PRKAR1B: variants seen among roughly 807,000 people sequenced by gnomAD.
PRKAR1B encodes the protein cAMP-dependent protein kinase type I-beta regulatory subunit.
PRKAR1B carries 22 observed loss-of-function variants against 46.5 expected under a neutral mutation model. That is an observed-to-expected ratio of 0.47 (90% CI 0.34 to 0.68). PRKAR1B has a LOEUF of 0.68. Among genes scored for constraint, PRKAR1B ranks in the 30% least tolerant of loss-of-function variants. PRKAR1B has a pLI of 0.01. For synonymous variants in PRKAR1B, 259 were observed against 217.7 expected (o/e 1.19, Z -1.67); for missense variants, 445 against 535.6 (o/e 0.83, Z 1.67).
At chr7:600,586 C>T (rs186746741) in intron 6 of PRKAR1B, among the ~76,000 whole-genome samples, 68 of 152,360 alleles carry the variant, frequency 4.5e-4, no homozygotes, top group African/African-American at 1.5e-3. Flanking sequence ...CGCCCTGCTC[C>T]GGGGTACACC....
chr7:616,509 C>T (rs537190917), intron 4 of PRKAR1B, among the ~76,000 whole-genome samples: 2 of 152,356 alleles, frequency 1.3e-5, no homozygotes, highest in South Asian at 2.1e-4. Flanking sequence ...TGCCAGCCGG[C>T]GGGGCTCATC....
chr7:662,881 C>A (rs183680070), intron 4 of PRKAR1B, among the ~76,000 whole-genome samples: 42 of 152,284 alleles, frequency 2.8e-4, no homozygotes, highest in Non-Finnish European at 2.9e-4. Context: ...ACCCTCGGAG[C>A]GGCCACAGCA....
chr7:589,870 C>T (rs542837641), intron 7 of PRKAR1B, among the ~76,000 whole-genome samples: 2 of 152,332 alleles, frequency 1.3e-5, no homozygotes, highest in South Asian at 2.1e-4. Flanking sequence ...CCAGGCTGCC[C>T]GGGACAGAGA....
At chr7:592,032 C>T (rs1330448999) in intron 7 of PRKAR1B, among the ~76,000 whole-genome samples, 1 of 152,222 alleles carries the variant, frequency 6.6e-6, no homozygotes, top group Non-Finnish European at 1.5e-5. Flanking sequence ...GCAGGCGGAG[C>T]AGGGGTCGCC....
chr7:582,614 G>A (rs1053264845), intron 8 of PRKAR1B, among the ~76,000 whole-genome samples: 4 of 152,236 alleles, frequency 2.6e-5, no homozygotes, highest in Non-Finnish European at 4.4e-5. Flanking sequence ...AGCCCGGGAC[G>A]CAGGAAGCAA....
chr7:702,768 A>G (rs1220836327), intron 2 of PRKAR1B, among the ~76,000 whole-genome samples: 1 of 152,210 alleles, frequency 6.6e-6, no homozygotes. Context: ...GCTCGCAGTG[A>G]GCGGAGATTG....
chr7:571,846 G>A (rs1252897988), intron 9 of PRKAR1B, among the ~76,000 whole-genome samples: 1 of 152,218 alleles, frequency 6.6e-6, no homozygotes, highest in Non-Finnish European at 1.5e-5. Context: ...CCGCGGTGAG[G>A]TGACGGAACA....
chr7:676,544 C>T (rs1479942383), intron 4 of PRKAR1B, among the ~76,000 whole-genome samples: 1 of 152,204 alleles, frequency 6.6e-6, no homozygotes, highest in African/African-American at 2.4e-5. Context: ...CTAGGTATAG[C>T]GCGCGGGGGA....
intron 2 of PRKAR1B, among the ~76,000 whole-genome samples, chr7:701,418 A>G (rs1180356918): frequency 2.0e-5 from 3 of 152,186 alleles, no homozygotes; most frequent in Non-Finnish European, 4.4e-5. Flanking sequence ...CATTCATGTC[A>G]CTGGAGTCCC....
At chr7:570,332 A>C (rs1345497731) in intron 9 of PRKAR1B, among the ~76,000 whole-genome samples, 2 of 152,202 alleles carry the variant, frequency 1.3e-5, no homozygotes, top group Non-Finnish European at 2.9e-5. Context: ...GTGTCCAGGC[A>C]GAATGTTATA....
At position 576,215 on chromosome 7, in the gene PRKAR1B, T is replaced by C. The variant is rs1583230768; in HGVS notation, c.891+3041A>G. ...TCTGCACATGGGCAGGCGTGCACGC[T>C]GGCATCCTCTCCTCTGCACACGGGC... On this transcript the variant is annotated intron_variant, in intron 9 of 10. Coordinates refer to ENST00000537384, the MANE Select transcript of PRKAR1B (RefSeq NM_001164760.2). Among the ~76,000 whole-genome samples the C allele has an allele frequency of 2.0e-5, 3 of 151,588 alleles. No individual in the cohort carries two copies. The South Asian group carries it at 6.2e-4, about 32-fold the overall frequency.
chr7:558,975 G>A (rs1291235144), intron 9 of PRKAR1B, among the ~76,000 whole-genome samples: 2 of 152,226 alleles, frequency 1.3e-5, no homozygotes, highest in Admixed American at 6.5e-5. Flanking sequence ...TGGTGCCACA[G>A]GCGTGGACGG....
intron 2 of PRKAR1B, among the ~76,000 whole-genome samples, chr7:686,265 C>T (rs1327880905): frequency 6.6e-6 from 1 of 151,252 alleles, no homozygotes; most frequent in Non-Finnish European, 1.5e-5. Context: ...CGTACCACTG[C>T]ACTCCAGCCT....
intron 4 of PRKAR1B, among the ~76,000 whole-genome samples, chr7:612,858 A>ATGTG (rs199531453): frequency 6.7e-6 from 1 of 149,926 alleles, no homozygotes; most frequent in African/African-American, 2.5e-5. Flanking sequence ...CACTGAAAAG[A>ATGTG]TGTGTGTGTG....
At chr7:571,639 G>A (rs992766783) in intron 9 of PRKAR1B, among the ~76,000 whole-genome samples, 6 of 152,334 alleles carry the variant, frequency 3.9e-5, no homozygotes, top group Non-Finnish European at 7.3e-5. Context: ...TTTCGGTCTC[G>A]GGATTTTTAC....
chr7:680,204 GCATGGGAGGCA>G (rs942702557), intron 3 of PRKAR1B, among the ~76,000 whole-genome samples: 1 of 150,886 alleles, frequency 6.6e-6, no homozygotes, highest in Non-Finnish European at 1.5e-5. Context: ...GGCTGCAGGA[GCATGGGAGGCA>G]CACAGCCCAG....
chr7:631,356 T>C (rs1783726775), intron 4 of PRKAR1B, among the ~76,000 whole-genome samples: 1 of 152,192 alleles, frequency 6.6e-6, no homozygotes, highest in African/African-American at 2.4e-5. Flanking sequence ...GCCATAGACC[T>C]TACAGATACG....
At chr7:718,255 TACAC>T (rs35563369) in intron 1 of PRKAR1B, among the ~76,000 whole-genome samples, 20,431 of 139,824 alleles carry the variant, frequency 0.15, 1,661 homozygotes, top group Non-Finnish European at 0.19. Flanking sequence ...GCTTTATAGA[TACAC>T]ACACACACAC....
chr7:631,403 A>G (rs1232433442), intron 4 of PRKAR1B, among the ~76,000 whole-genome samples: 2 of 152,194 alleles, frequency 1.3e-5, no homozygotes, highest in Admixed American at 1.3e-4. Flanking sequence ...TCGCCGGCCC[A>G]AAGCCACTCA....
Sources: gnomAD v4.1 joint callset for allele counts (sites outside exome capture counted in the v4.1 genomes callset) on GRCh38, gnomAD v4.1.1 for gene constraint, MANE v1.5 for transcripts, NCBI Gene and HGNC (gene_info 2026-07-23, HGNC 2026-07-21) for gene names.